Variants in INTS3 observed in about 807,000 individuals in gnomAD.
INTS3 encodes integrator complex subunit 3, also known as SOSS complex subunit A.
INTS3 carries 34 observed loss-of-function variants against 146.3 expected under a neutral mutation model. That is an observed-to-expected ratio of 0.23 (90% CI 0.18 to 0.31). INTS3 has a LOEUF of 0.31. INTS3 is among the 10% of genes least tolerant of loss of function. The probability of loss-of-function intolerance (pLI) is 1.00; values close to 1 mark genes in which losing one functional copy is unlikely to be tolerated. For missense variants in INTS3, 757 were observed against 1,304.2 expected, an observed-to-expected ratio of 0.58 and a Z score of 6.46; for synonymous variants, 475 against 494.9, an observed-to-expected ratio of 0.96 and a Z score of 0.53.
intron 6 of INTS3, among the ~76,000 whole-genome samples, chr1:153,749,581 G>T (rs1229333987): frequency 6.6e-6 from 1 of 152,204 alleles, no homozygotes; most frequent in Non-Finnish European, 1.5e-5. Context: ...CCTGTCTGCT[G>T]TGCAGTGCCA....
At chr1:153,735,854 C>T (rs1181967880) in intron 1 of INTS3, among the ~76,000 whole-genome samples, 1 of 152,158 alleles carries the variant, frequency 6.6e-6, no homozygotes, top group Non-Finnish European at 1.5e-5. Context: ...TCCCAAGTAC[C>T]TGGGACTACA....
intron 12 of INTS3, 123 bp downstream of exon 12, chr1:153,760,513 G>A: frequency 1.3e-6 from 1 of 764,318 alleles, no homozygotes; most frequent in African/African-American, 1.8e-5. Flanking sequence ...ATGGTCATGG[G>A]TCCTATCCCC....
At chr1:153,748,604 TG>T in intron 5 of INTS3, 84 bp from the exon 6 acceptor site, 2 of 1,074,330 alleles carry the variant, frequency 1.9e-6, no homozygotes, top group Non-Finnish European at 2.9e-6. Context: ...GCAGTCAGGG[TG>T]GACCAGCAGA....
At chr1:153,746,213 T>C (rs542913108) in intron 3 of INTS3, among the ~76,000 whole-genome samples, 1 of 152,342 alleles carries the variant, frequency 6.6e-6, no homozygotes, top group Non-Finnish European at 1.5e-5. Context: ...CTCTTTGGGA[T>C]CCTTTTTGGC....
rs1460408539 is a variant in INTS3, at chr1:153,770,259, C to T, written c.2451C>T (p.His817=). The stretch of plus-strand genomic sequence containing the variant: ...GTGCCTGGCAGCTCTTTCTGGCCCA[C>T]AATATTCCCCTGGAGACCATAATCC... The part of the protein sequence containing the change: ...QYCAWQLFLA[H]NIPLETIIPI... The change falls in exon 24 of 30, where the codon CAC becomes CAT. Residue 817 remains histidine (H), a synonymous_variant. Transcript: ENST00000318967. 1 of 1,613,550 alleles carries T rather than the reference C, an allele frequency of 6.2e-7. No individual in the cohort carries two copies.
At chr1:153,769,036 C>T (rs74115713) in intron 22 of INTS3, 75 bp downstream of exon 22, 5 of 1,202,530 alleles carry the variant, frequency 4.2e-6, no homozygotes, top group South Asian at 2.5e-5. Flanking sequence ...GCTCTCCCTC[C>T]AGGCCTGCAG....
chr1:153,773,026 A>G lies in INTS3; in HGVS notation c.2996A>G (p.Lys999Arg). Reference protein sequence around the residue: ...KAALSSPRSRKNATQPPNAEE... With the variant: ...KAALSSPRSRRNATQPPNAEE... Reference sequence around the variant, plus strand: ...GCTCTGTCCAGCCCTCGAAGTCGAAAGAATGCCACACAGCCCCCCAATGCC... The same window carrying G: ...GCTCTGTCCAGCCCTCGAAGTCGAAGGAATGCCACACAGCCCCCCAATGCC... Residue 999 changes from lysine (K) to arginine (R), a missense_variant, in exon 29 of 30, where the codon AAG becomes AGG. Around this residue, in one of 8 missense-constraint regions of INTS3, gnomAD observed 125 missense variants for 165.6 expected, o/e 0.75. Transcript: ENST00000318967. The G allele has an allele frequency of 6.2e-7, 1 of 1,614,192 alleles. No homozygotes were observed. The highest frequency in any genetic ancestry group is 1.1e-5 in the South Asian group (1 of 91,078).
rs1007081644 is a variant in INTS3, at chr1:153,772,587, T to C, written c.2822-52T>C. 1.9e-6 allele frequency: 3 copies of C among 1,613,436 alleles called. No homozygotes were observed. The East Asian group carries it at 6.7e-5, about 36-fold the overall frequency. On this transcript the variant is annotated intron_variant, in intron 27 of 29. Coordinates refer to ENST00000318967, the MANE Select transcript of INTS3 (RefSeq NM_023015.5). This position sits in a 1 kb window ranked among gnomAD's most constrained non-coding sequence, Gnocchi z 4.6. Reference sequence around the variant, plus strand: ...AACCTGTGCGTGCTGTTTAATAAGCTCCCAGACATCTGATTGTTTTTCCTT... The same window carrying C: ...AACCTGTGCGTGCTGTTTAATAAGCCCCCAGACATCTGATTGTTTTTCCTT...
chr1:153,764,090 ACTCT>A (rs1157594317), intron 17 of INTS3, 24 bp from the exon 18 acceptor site: 4 of 1,571,298 alleles, frequency 2.5e-6, no homozygotes, highest in Non-Finnish European at 2.6e-6. Context: ...GTAGGTAGTG[ACTCT>A]CCCTCCCTTG....
intron 18 of INTS3, 150 bp downstream of exon 18, chr1:153,764,371 C>T: frequency 1.5e-6 from 1 of 647,158 alleles, no homozygotes; most frequent in Non-Finnish European, 2.8e-6. Context: ...TAAACAAGAG[C>T]TTATTTCTAC....
At chr1:153,754,760 A>C in intron 9 of INTS3, 21 bp downstream of exon 9, 1 of 1,489,180 alleles carries the variant, frequency 6.7e-7, no homozygotes, top group Non-Finnish European at 9.4e-7. Context: ...GTGTTGCAGC[A>C]AGAGAAGAGG....
rs756986575 is a variant in INTS3 at position 153,770,277 on chromosome 1, C to T, written c.2469C>T (p.Thr823=). ...TGGCCCACAATATTCCCCTGGAGAC[C>T]ATAATCCCCATCCTGCAGCACCTCA... ...LFLAHNIPLE[T]IIPILQHLKY... The change falls in exon 24 of 30, where the codon ACC becomes ACT. Residue 823 remains threonine (T), a synonymous_variant. Coordinates refer to ENST00000318967, the MANE Select transcript of INTS3 (RefSeq NM_023015.5). The T allele has an allele frequency of 8.1e-6, 13 of 1,612,656 alleles. No homozygotes were observed. The highest frequency in any genetic ancestry group is 3.3e-5 in the Admixed American group (2 of 59,984).
intron 2 of INTS3, 46 bp from the exon 3 acceptor site, chr1:153,741,239 C>A: frequency 7.2e-7 from 1 of 1,395,814 alleles, no homozygotes; most frequent in Non-Finnish European, 1.0e-6. Context: ...TGAGAACTTA[C>A]TGCCTGTGAG....
chr1:153,751,099 T>TGG lies in INTS3; in HGVS notation c.591_592dup (p.Val198GlyfsTer3). ...CAGTGTGTTTCCTCCCTGCAGGGAG[T>TGG]GGGTCCTGAAGAGCAGCATCCTCAT... On this transcript the variant is annotated frameshift_variant, in exon 7 of 30. Transcript: ENST00000318967. LOFTEE classifies it high-confidence loss of function. 1 of 1,613,898 alleles carries TGG rather than the reference T, an allele frequency of 6.2e-7. No homozygotes were observed. The highest frequency in any genetic ancestry group is 8.5e-7 in the Non-Finnish European group (1 of 1,179,932).
intron 29 of INTS3, 34 bp downstream of exon 29, chr1:153,773,115 A>G (rs1672976844): frequency 6.2e-7 from 1 of 1,613,984 alleles, no homozygotes; most frequent in East Asian, 2.2e-5. Flanking sequence ...GGGGAAAAGG[A>G]GCACTGGGTG....
intron 3 of INTS3, among the ~76,000 whole-genome samples, chr1:153,744,033 A>ATGTGTGTGTGTGTGTGTG (rs1385828293): frequency 9.8e-6 from 1 of 102,282 alleles, no homozygotes; most frequent in African/African-American, 3.9e-5. Flanking sequence ...GAGGGTGTGC[A>ATGTGTGTGTGTGTGTGTG]TGTGCGTGTG....
chr1:153,747,440 AG>A (rs1307963229), intron 5 of INTS3, 77 bp downstream of exon 5: 1 of 1,101,624 alleles, frequency 9.1e-7, no homozygotes, highest in East Asian at 2.3e-5. Flanking sequence ...AGAATGATTA[AG>A]TGCCAAAGGG....
intron 1 of INTS3, among the ~76,000 whole-genome samples, chr1:153,738,412 G>A (rs1013211327): frequency 2.0e-5 from 3 of 152,102 alleles, no homozygotes; most frequent in East Asian, 3.8e-4. Flanking sequence ...TTTTTGACAG[G>A]CCATTTGTTT....
intron 17 of INTS3, 53 bp downstream of exon 17, chr1:153,763,939 A>G (rs1672482022): frequency 1.3e-6 from 2 of 1,539,856 alleles, no homozygotes; most frequent in East Asian, 4.5e-5. Flanking sequence ...TGCTTAGCTT[A>G]CACGTCTCCC....
Sources: allele counts gnomAD v4.1 joint callset (sites outside exome capture counted in the v4.1 genomes callset), GRCh38; gene constraint gnomAD v4.1.1; regional missense constraint gnomAD v4.1.1; non-coding constraint Gnocchi (gnomAD v3.1); transcripts MANE v1.5; gene names NCBI Gene and HGNC (gene_info 2026-07-23, HGNC 2026-07-21).